The following PARS2 variants were observed in gnomAD, a reference collection of about 807,000 sequenced individuals.
PARS2 encodes the protein prolyl-tRNA synthetase 2, mitochondrial.
PARS2 carries 20 observed loss-of-function variants against 27.4 expected under a neutral mutation model. That is an observed-to-expected ratio of 0.73 (90% CI 0.51 to 1.06). PARS2 has a LOEUF of 1.06. Ranked by LOEUF, PARS2 falls within the 50% of genes least tolerant of loss-of-function variation. The pLI, the probability that PARS2 is intolerant of heterozygous loss-of-function variation, is 0.00. For synonymous variants in PARS2, 240 were observed against 247.1 expected, an observed-to-expected ratio of 0.97 and a Z score of 0.27; for missense variants, 585 against 602.1, an observed-to-expected ratio of 0.97 and a Z score of 0.30.
At position 54,757,749 on chromosome 1, in the gene PARS2, T is replaced by C; in HGVS notation, c.1413A>G (p.Pro471=). ...CTGGGGGCATTTAGACAGTCTGCACTGGGGTCAGTAAATCCATGACTCCAT... is the reference window on the plus strand; with the variant it reads ...CTGGGGGCATTTAGACAGTCTGCACCGGGGTCAGTAAATCCATGACTCCAT... ...TKDGVMDLLT[P]VQTV Residue 471 remains proline (P), a synonymous_variant, in exon 2 of 2, where the codon CCA becomes CCG. Transcript: ENST00000371279. 1.9e-6 allele frequency: 3 copies of C among 1,610,564 alleles called. No individual in the cohort carries two copies. Among genetic ancestry groups the C allele is most frequent in the Non-Finnish European group, 2.5e-6 (3 of 1,177,870 alleles).
At chr1:54,759,303 T>C (rs1289105643) in intron 1 of PARS2, 113 bp from the exon 2 acceptor site, 2 of 610,856 alleles carry the variant, frequency 3.3e-6, no homozygotes, top group Non-Finnish European at 5.7e-6. Flanking sequence ...ATTTTGCAGA[T>C]ACAAATCCTT....
intron 1 of PARS2, among the ~76,000 whole-genome samples, chr1:54,763,827 G>C (rs1646170187): frequency 6.6e-6 from 1 of 152,126 alleles, no homozygotes; most frequent in African/African-American, 2.4e-5. Flanking sequence ...AATCAGAAAA[G>C]TTGTACCTAA....
rs112752114 is a variant in PARS2, at chr1:54,760,356, C to T, written c.-29-1166G>A. Among the ~76,000 whole-genome samples the T allele has an allele frequency of 2.2e-3, 328 of 152,334 alleles. 4 individuals are homozygous for T. Among genetic ancestry groups the T allele is most frequent in the African/African-American group, 6.6e-3 (275 of 41,574 alleles). On this transcript the variant is annotated intron_variant, in intron 1 of 1. Transcript: ENST00000371279. ...TCATTGTGAATAGCACCAAAAGTTG[C>T]ACTTTGCCCAAACCAGAATGTGGGG...
chr1:54,761,713 C>G (rs1020803684), intron 1 of PARS2, among the ~76,000 whole-genome samples: 2 of 152,196 alleles, frequency 1.3e-5, no homozygotes, highest in Non-Finnish European at 1.5e-5. Context: ...GAGCTGGGAT[C>G]TCCCAGCTGG....
rs1000886583 is a variant in PARS2 at position 54,758,779 on chromosome 1, C to T, written c.383G>A (p.Trp128Ter). 2.5e-6 allele frequency: 4 copies of T among 1,614,062 alleles called. No individual in the cohort carries two copies. The African/African-American group carries it at 5.3e-5, about 22-fold the overall frequency. ...NMPSLSPAEL[W>*]QATNRWDLMG... ...CAAGTCCCACCGGTTGGTGGCTTGCCAGAGCTCTGCCGGGCTGAGGCTGGG... is the reference window on the plus strand; with the variant it reads ...CAAGTCCCACCGGTTGGTGGCTTGCTAGAGCTCTGCCGGGCTGAGGCTGGG... Residue 128 changes from tryptophan to a stop codon, truncating the protein, a stop_gained, in exon 2 of 2, where the codon TGG (tryptophan) becomes TAG (stop). Transcript: ENST00000371279. LOFTEE classifies it high-confidence loss of function.
intron 1 of PARS2, among the ~76,000 whole-genome samples, chr1:54,761,500 C>T (rs1226907742): frequency 6.6e-6 from 1 of 152,192 alleles, no homozygotes; most frequent in Admixed American, 6.5e-5. Context: ...ACATAATCTA[C>T]AATGAAGAGA....
rs1646139100 is a variant in PARS2, at chr1:54,759,037, A to G, written c.125T>C (p.Leu42Pro). 6.2e-7 allele frequency: 1 copy of G among 1,614,170 alleles called. No homozygotes were observed. Among genetic ancestry groups the G allele is most frequent in the South Asian group, 1.1e-5 (1 of 91,084 alleles). Residue 42 changes from leucine to proline, a missense_variant, in exon 2 of 2, where the codon CTG (leucine) becomes CCG (proline). Coordinates refer to ENST00000371279, the MANE Select transcript of PARS2 (RefSeq NM_152268.4). ...CAPRRGRRLL[L>P]SRVFQPQNLR... is the part of the protein sequence containing the mutation. ...GTTCTGTGGCTGGAACACACGAGAC[A>G]GCAGCAGGCGCCGCCCTCTTCTTGG...
rs201481557 is a variant in PARS2, at chr1:54,759,097, G to C, written c.65C>G (p.Ser22Cys). The C allele has an allele frequency of 3.0e-5, 49 of 1,612,566 alleles. No individual in the cohort carries two copies. The Admixed American group carries it at 5.2e-4, about 17-fold the overall frequency. Residue 22 changes from serine (S) to cysteine (C), a missense_variant, in exon 2 of 2, where the codon TCT (serine) becomes TGT (cysteine). Transcript: ENST00000371279. ...PALATCSRQLSGYVPCRFHHC... is the reference protein window; with the variant it reads ...PALATCSRQLCGYVPCRFHHC... Reference sequence around the variant, plus strand: ...GTGAAACCTGCAAGGAACATACCCAGAGAGCTGGCGGCTGCAGGTGGCCAG... The same window carrying C: ...GTGAAACCTGCAAGGAACATACCCACAGAGCTGGCGGCTGCAGGTGGCCAG...
chr1:54,763,374 C>A (rs973278874), intron 1 of PARS2, among the ~76,000 whole-genome samples: 1 of 151,970 alleles, frequency 6.6e-6, no homozygotes, highest in Non-Finnish European at 1.5e-5. Flanking sequence ...AGGTCAGTGT[C>A]GATGTTTAAC....
Position 54,758,226 on chromosome 1 carries a change from G to C in PARS2, c.936C>G (p.Tyr312Ter), listed in dbSNP as rs1646132941. The change falls in exon 2 of 2, where the codon TAC becomes TAG. Residue 312 changes from tyrosine to a stop codon, truncating the protein, a stop_gained. Transcript: ENST00000371279. LOFTEE classifies it high-confidence loss of function. The part of the protein sequence containing the change: ...TKGIEVGHTF[Y>*]LGTKYSSIFN... ...AAATGGATGAGTACTTGGTACCCAG[G>C]TAAAATGTGTGCCCCACCTCAATGC... 3.1e-6 allele frequency: 5 copies of C among 1,614,110 alleles called. No individual in the cohort carries two copies. Among genetic ancestry groups the C allele is most frequent in the Non-Finnish European group, 4.2e-6 (5 of 1,180,046 alleles).
intron 1 of PARS2, among the ~76,000 whole-genome samples, chr1:54,760,128 T>C (rs927136862): frequency 5.9e-5 from 9 of 152,298 alleles, no homozygotes; most frequent in African/African-American, 1.9e-4. Context: ...CTCTTGTTCC[T>C]CTACCTGCCC....
At position 54,757,071 on chromosome 1, in the gene PARS2, T is replaced by G. The variant is rs1470458164; in HGVS notation, c.*663A>C. 6.6e-6 allele frequency: 1 copy of G among 152,208 alleles called. No individual in the cohort carries two copies. The highest frequency in any genetic ancestry group is 2.4e-5 in the African/African-American group (1 of 41,446). The allele number at this position is 152,208 out of a possible 1,614,324, so 9.4% of individuals were successfully genotyped here. ...CAGACTGCCTGTCACACACCTCTCA[T>G]GGAACCCCCTAGTGACACCTATAAG... On this transcript the variant is annotated 3_prime_UTR_variant, in exon 2 of 2. Coordinates refer to ENST00000371279, the MANE Select transcript of PARS2 (RefSeq NM_152268.4).
Position 54,757,838 on chromosome 1 carries a change from C to T in PARS2, c.1324G>A (p.Glu442Lys). The T allele has an allele frequency of 6.2e-7, 1 of 1,614,108 alleles. No individual in the cohort carries two copies. Among genetic ancestry groups the T allele is most frequent in the Middle Eastern group, 1.6e-4 (1 of 6,062 alleles). ...CAAACCTCAAAATGTGCAGGGTCCTCCAGGGCCCTCTTGCCAGCGATTATC... is the reference window on the plus strand; with the variant it reads ...CAAACCTCAAAATGTGCAGGGTCCTTCAGGGCCCTCTTGCCAGCGATTATC... ...FVIIAGKRAL[E>K]DPAHFEVWCQ... Residue 442 changes from glutamate (E) to lysine (K), a missense_variant, in exon 2 of 2, where the codon GAG becomes AAG. Physicochemically the swap from Glu to Lys is moderately conservative, Grantham distance 56 (BLOSUM62 1). Coordinates refer to ENST00000371279, the MANE Select transcript of PARS2 (RefSeq NM_152268.4).
intron 1 of PARS2, among the ~76,000 whole-genome samples, chr1:54,763,427 C>T (rs1646167899): frequency 6.6e-6 from 1 of 152,134 alleles, no homozygotes; most frequent in Non-Finnish European, 1.5e-5. Context: ...AAGTTTTATA[C>T]ATCTTTAAAT....
In PARS2 at chr1:54,757,424, C is replaced by G. The variant is rs1031893829; in HGVS notation, c.*310G>C. ...CTGAGAGAAGGGAAGTGACTTCCCCCCTCAGGGTAACACCCAGGACTGGAG... is the reference window on the plus strand; with the variant it reads ...CTGAGAGAAGGGAAGTGACTTCCCCGCTCAGGGTAACACCCAGGACTGGAG... On this transcript the variant is annotated 3_prime_UTR_variant, in exon 2 of 2. Coordinates refer to ENST00000371279, the MANE Select transcript of PARS2 (RefSeq NM_152268.4). The G allele has an allele frequency of 1.2e-5, 3 of 240,746 alleles. No individual in the cohort carries two copies. The highest frequency in any genetic ancestry group is 4.5e-5 in the African/African-American group (2 of 44,420). 14.9% of individuals were successfully genotyped at this position (240,746 alleles called of 1,614,324 possible). A position where few individuals can be genotyped will look rare whatever the true frequency, so the allele number is the denominator to read the frequency against.
chr1:54,759,813 C>T (rs886860611), intron 1 of PARS2, among the ~76,000 whole-genome samples: 1 of 152,040 alleles, frequency 6.6e-6, no homozygotes, highest in Non-Finnish European at 1.5e-5. Context: ...TGAGACCAGC[C>T]TGACCAACAT....
rs368841408 is a variant in PARS2, at chr1:54,757,726, G to C, written c.*8C>G. ...CTGCAAATGGGGGCAGGGGTGGGCT[G>C]GGGGCATTTAGACAGTCTGCACTGG... On this transcript the variant is annotated 3_prime_UTR_variant, in exon 2 of 2. Coordinates refer to ENST00000371279, the MANE Select transcript of PARS2 (RefSeq NM_152268.4). 1.3e-6 allele frequency: 2 copies of C among 1,577,686 alleles called. No individual in the cohort carries two copies. The highest frequency in any genetic ancestry group is 3.4e-5 in the Admixed American group (2 of 58,460).
At chr1:54,759,895 T>C (rs995629204) in intron 1 of PARS2, among the ~76,000 whole-genome samples, 2 of 151,984 alleles carry the variant, frequency 1.3e-5, no homozygotes, top group Non-Finnish European at 2.9e-5. Context: ...TCCCAGCTAC[T>C]TGGGAGGCTG....
chr1:54,759,231 G>C, intron 1 of PARS2, 41 bp from the exon 2 acceptor site: 1 of 1,287,558 alleles, frequency 7.8e-7, no homozygotes, highest in Non-Finnish European at 1.1e-6. Flanking sequence ...CCTCATCCGT[G>C]TTCCAACACC....
Sources: allele counts gnomAD v4.1 joint callset (sites outside exome capture counted in the v4.1 genomes callset), GRCh38; gene constraint gnomAD v4.1.1; transcripts MANE v1.5; gene names NCBI Gene and HGNC (gene_info 2026-07-23, HGNC 2026-07-21).